PPDPFL: variants seen among roughly 807,000 people sequenced by gnomAD.
The protein encoded by PPDPFL is pancreatic progenitor cell differentiation and proliferation factor like.
In PPDPFL, 12 loss-of-function variants were observed where a neutral mutation model predicts 12.6. That is an observed-to-expected ratio of 0.95 (90% CI 0.61 to 1.54). The LOEUF (loss-of-function observed/expected upper bound fraction) is 1.54. Among genes scored for constraint, PPDPFL ranks in the 40% most tolerant of loss-of-function variants. The probability of loss-of-function intolerance (pLI) is 0.00; values close to 1 mark genes in which losing one functional copy is unlikely to be tolerated. For synonymous variants in PPDPFL, 24 were observed against 32.7 expected, an observed-to-expected ratio of 0.73 and a Z score of 0.91; for missense variants, 114 against 96.0, an observed-to-expected ratio of 1.19 and a Z score of -0.78.
upstream of PPDPFL, among the ~76,000 whole-genome samples, chr8:49,070,954 T>C (rs542142120): frequency 6.6e-6 from 1 of 152,264 alleles, no homozygotes; most frequent in South Asian, 2.1e-4. Context: ...TTAGCTACAA[T>C]CCTGCTGTAC....
Position 49,061,736 on chromosome 8 carries a change from C to T in PPDPFL, c.-45+7367C>T, listed in dbSNP as rs181584108. Among the ~76,000 whole-genome samples, 5 of 152,200 alleles carry T rather than the reference C, an allele frequency of 3.3e-5. No homozygotes were observed. In the East Asian group the frequency reaches 7.7e-4, roughly 24 times the overall value. On this transcript the variant is annotated intron_variant, in intron 1 of 4. Coordinates refer to the PPDPFL transcript ENST00000517663. The stretch of plus-strand genomic sequence containing the variant: ...GGCTCCTTGGCAGCAGGTAAAGGGA[C>T]TTGTGGCTAAATGATAAAAAAGCTG...
rs938376650 is a variant in PPDPFL, at chr8:49,075,487, C to T, written c.*314C>T. On this transcript the variant is annotated 3_prime_UTR_variant, in exon 5 of 5. Coordinates refer to ENST00000522267, the MANE Select transcript of PPDPFL (RefSeq NM_001256597.2). Reference sequence around the variant, plus strand: ...ACCTGGTGCATCTTTGAAAAGTGTGCCTTTAGAAACAAGACACCCTTTTAA... The same window carrying T: ...ACCTGGTGCATCTTTGAAAAGTGTGTCTTTAGAAACAAGACACCCTTTTAA... The T allele has an allele frequency of 3.4e-6, 2 of 583,808 alleles. No homozygotes were observed. Among genetic ancestry groups the T allele is most frequent in the African/African-American group, 1.9e-5 (1 of 53,710 alleles). 36.2% of individuals were successfully genotyped at this position (583,808 alleles called of 1,614,324 possible). A position where few individuals can be genotyped will look rare whatever the true frequency, so the allele number is the denominator to read the frequency against.
At chr8:49,070,830 C>T (rs1808371975), upstream of PPDPFL, among the ~76,000 whole-genome samples, 1 of 152,102 alleles carries the variant, frequency 6.6e-6, no homozygotes, top group African/African-American at 2.4e-5. Context: ...AGCAAATTAA[C>T]ACAGCCATAT....
In PPDPFL at chr8:49,075,579, TA is replaced by T. The variant is rs1209560900; in HGVS notation, c.*413del. ...CTTTCATTTTTTATATCATTTTTAT[TA>T]AAAAAACTTAAGTTAGACTCTTTTT... On this transcript the variant is annotated 3_prime_UTR_variant, in exon 5 of 5. Transcript: ENST00000522267. 4 of 320,526 alleles carry T rather than the reference TA, an allele frequency of 1.2e-5. No homozygotes were observed. The highest frequency in any genetic ancestry group is 2.3e-5 in the Non-Finnish European group (4 of 173,358). The allele number at this position is 320,526 out of a possible 1,614,324, so 19.9% of individuals were successfully genotyped here.
At chr8:49,065,939 G>A (rs1235472527) in intron 1 of PPDPFL, among the ~76,000 whole-genome samples, 3 of 152,176 alleles carry the variant, frequency 2.0e-5, no homozygotes, top group Non-Finnish European at 4.4e-5. Context: ...GGCCTAGAAA[G>A]GGAATTTTAT....
At chr8:49,074,752 A>C (rs1027672375) in intron 4 of PPDPFL, 3 of 1,441,338 alleles carry the variant, frequency 2.1e-6, no homozygotes, top group African/African-American at 1.4e-5. Context: ...ATTACTAGAC[A>C]GGTTGAATTG....
upstream of PPDPFL, among the ~76,000 whole-genome samples, chr8:49,068,999 G>A (rs1808340907): frequency 6.6e-6 from 1 of 152,158 alleles, no homozygotes; most frequent in Non-Finnish European, 1.5e-5. Context: ...AGAACAGCAA[G>A]TTGAAAATTA....
intron 1 of PPDPFL, among the ~76,000 whole-genome samples, chr8:49,065,245 C>G (rs1051034855): frequency 6.6e-6 from 1 of 152,168 alleles, no homozygotes; most frequent in Non-Finnish European, 1.5e-5. Context: ...CACCTCCCCC[C>G]AGTGTATGAG....
At position 49,072,487 on chromosome 8, in the gene PPDPFL, G is replaced by A. The variant is rs1254566168; in HGVS notation, c.-45+5G>A. On this transcript the variant is annotated splice_donor_5th_base_variant and intron_variant, in intron 1 of 4. Transcript: ENST00000522267. Reference sequence around the variant, plus strand: ...CGAATTGGAGAAAACAAATCGGTGAGTGACTACCTCATGGCTGAGTTAACA... The same window carrying A: ...CGAATTGGAGAAAACAAATCGGTGAATGACTACCTCATGGCTGAGTTAACA... The A allele has an allele frequency of 5.9e-6, 1 of 170,842 alleles. No homozygotes were observed. The highest frequency in any genetic ancestry group is 1.2e-5 in the Non-Finnish European group (1 of 80,708). The allele number at this position is 170,842 out of a possible 1,614,324, so 10.6% of individuals were successfully genotyped here. A position where few individuals can be genotyped will look rare whatever the true frequency, so the allele number is the denominator to read the frequency against.
intron 1 of PPDPFL, among the ~76,000 whole-genome samples, chr8:49,058,843 C>T (rs1317233756): frequency 1.5e-4 from 23 of 152,266 alleles, no homozygotes; most frequent in South Asian, 2.1e-4. Context: ...GAGGGCTGAG[C>T]GCCACCTCCA....
Position 49,075,466 on chromosome 8 carries a change from G to C in PPDPFL, c.*293G>C. On this transcript the variant is annotated 3_prime_UTR_variant, in exon 5 of 5. Coordinates refer to ENST00000522267, the MANE Select transcript of PPDPFL (RefSeq NM_001256597.2). ...TCGCTGGAAGTGGCACTTGCTACCT[G>C]GTGCATCTTTGAAAAGTGTGCCTTT... The C allele has an allele frequency of 1.7e-6, 1 of 602,872 alleles. No homozygotes were observed. Among genetic ancestry groups the C allele is most frequent in the East Asian group, 2.8e-5 (1 of 36,212 alleles). 37.3% of individuals were successfully genotyped at this position (602,872 alleles called of 1,614,324 possible).
chr8:49,075,138 T>C lies in PPDPFL; in HGVS notation c.234-14T>C. 1.2e-6 allele frequency: 2 copies of C among 1,612,964 alleles called. No homozygotes were observed. The highest frequency in any genetic ancestry group is 1.7e-6 in the Non-Finnish European group (2 of 1,179,404). ...TTTATCCCCTCCTCTCTGACTACTA[T>C]AAAATCAACCCAGATTACAGATGAG... On this transcript the variant is annotated splice_polypyrimidine_tract_variant and intron_variant, in intron 4 of 4. Coordinates refer to ENST00000522267, the MANE Select transcript of PPDPFL (RefSeq NM_001256597.2).
At position 49,063,597 on chromosome 8, in the gene PPDPFL, G is replaced by A. The variant is rs542373754; in HGVS notation, c.-44-9190G>A. Reference sequence around the variant, plus strand: ...TAGCTAGGCATGGTGGTGTGCACCTGTAGTCCCCTACTTGTGAGGCTCAGG... The same window carrying A: ...TAGCTAGGCATGGTGGTGTGCACCTATAGTCCCCTACTTGTGAGGCTCAGG... On this transcript the variant is annotated intron_variant, in intron 1 of 4. Coordinates refer to the PPDPFL transcript ENST00000517663. Among the ~76,000 whole-genome samples, 30 of 152,150 alleles carry A rather than the reference G, an allele frequency of 2.0e-4. 1 individual carries two copies. Among genetic ancestry groups the A allele is most frequent in the African/African-American group, 7.0e-4 (29 of 41,494 alleles).
intron 1 of PPDPFL, 72 bp from the exon 2 acceptor site, chr8:49,072,715 G>A (rs1808413442): frequency 4.6e-6 from 3 of 659,192 alleles, no homozygotes; most frequent in East Asian, 2.9e-5. Flanking sequence ...CTTTGTAACA[G>A]TCACGTGGAA....
intron 1 of PPDPFL, among the ~76,000 whole-genome samples, chr8:49,059,883 T>C (rs976255592): frequency 6.6e-6 from 1 of 152,220 alleles, no homozygotes; most frequent in Admixed American, 6.5e-5. Context: ...TATTTTGTTG[T>C]CTTTTTTTTC....
At chr8:49,070,091 A>G (rs1808354909), upstream of PPDPFL, among the ~76,000 whole-genome samples, 1 of 152,258 alleles carries the variant, frequency 6.6e-6, no homozygotes, top group Non-Finnish European at 1.5e-5. Flanking sequence ...TGTCCTTTGC[A>G]GGAAGACGAA....
At chr8:49,074,898 A>C in intron 4 of PPDPFL, 1 of 1,386,266 alleles carries the variant, frequency 7.2e-7, no homozygotes, top group Admixed American at 3.0e-5. Context: ...GAATAGAAAG[A>C]ATCTATAATA....
intron 2 of PPDPFL, among the ~76,000 whole-genome samples, chr8:49,073,714 T>C (rs1255775397): frequency 6.6e-6 from 1 of 152,204 alleles, no homozygotes; most frequent in African/African-American, 2.4e-5. Flanking sequence ...TACATATATG[T>C]AATATTTCTA....
At chr8:49,056,369 G>T (rs1364951853) in intron 1 of PPDPFL, among the ~76,000 whole-genome samples, 1 of 151,908 alleles carries the variant, frequency 6.6e-6, no homozygotes, top group East Asian at 1.9e-4. Context: ...ACCCTCCTCA[G>T]AGATGCTGTT....
Sources: allele counts gnomAD v4.1 joint callset (sites outside exome capture counted in the v4.1 genomes callset), GRCh38; gene constraint gnomAD v4.1.1; transcripts MANE v1.5; gene names NCBI Gene and HGNC (gene_info 2026-07-23, HGNC 2026-07-21).